Variants in TMC1 observed in about 807,000 individuals in gnomAD.
TMC1 encodes transmembrane channel like 1, also known as transmembrane channel-like protein 1.
Under a neutral mutation model 105.8 loss-of-function variants are expected in TMC1, and 84 were observed. That is an observed-to-expected ratio of 0.79 (90% CI 0.67 to 0.95). TMC1 has a LOEUF of 0.95. TMC1 is among the 40% of genes least tolerant of loss of function. The pLI, the probability that TMC1 is intolerant of heterozygous loss-of-function variation, is 0.00. For missense variants in TMC1, 817 were observed against 914.1 expected (o/e 0.89, Z 1.37); for synonymous variants, 315 against 311.5 (o/e 1.01, Z -0.12).
At chr9:72,595,817 C>T (rs1017159472) in intron 2 of TMC1, among the ~76,000 whole-genome samples, 7 of 150,574 alleles carry the variant, frequency 4.6e-5, no homozygotes, top group African/African-American at 1.7e-4. Context: ...GCTGGGATTA[C>T]AGGCATGCAC....
At position 72,648,106 on chromosome 9, in the gene TMC1, T is replaced by G. The variant is rs115199177; in HGVS notation, c.-52-491T>G. Among the ~76,000 whole-genome samples the G allele has an allele frequency of 9.8e-3, 1,491 of 152,328 alleles. 29 individuals are homozygous for G. Among genetic ancestry groups the G allele is most frequent in the African/African-American group, 0.034 (1,421 of 41,560 alleles). On this transcript the variant is annotated intron_variant, in intron 4 of 23. Coordinates refer to ENST00000297784, the MANE Select transcript of TMC1 (RefSeq NM_138691.3). ...CCCCAGGTTTCCCGTTATTGGAGAT[T>G]GATTGCTATGTTGAATGTGCTATAG... is the stretch of plus-strand genomic sequence containing the variant.
Position 72,836,826 on chromosome 9 carries a change from C to T in TMC1, c.*853C>T, listed in dbSNP as rs746717518. The T allele has an allele frequency of 5.9e-5, 9 of 152,140 alleles. No individual in the cohort carries two copies. The highest frequency in any genetic ancestry group is 1.2e-4 in the Non-Finnish European group (8 of 68,044). The allele number at this position is 152,140 out of a possible 1,614,324, so 9.4% of individuals were successfully genotyped here. A position where few individuals can be genotyped will look rare whatever the true frequency, so the allele number is the denominator to read the frequency against. ...GCATCAAACTCGATACAATTCTTGC[C>T]TCCTTGGAGGGAAGAATTCAGCTGA... On this transcript the variant is annotated 3_prime_UTR_variant, in exon 24 of 24. Coordinates refer to ENST00000297784, the MANE Select transcript of TMC1 (RefSeq NM_138691.3).
intron 1 of TMC1, among the ~76,000 whole-genome samples, chr9:72,531,440 G>A (rs147464599): frequency 5.3e-5 from 8 of 152,214 alleles, no homozygotes; most frequent in South Asian, 2.1e-4. Flanking sequence ...CTTCAGTTAC[G>A]TTCCTAGGGA....
rs762854159 is a variant in TMC1 at position 72,820,829 on chromosome 9, G to C, written c.1764-13G>C. 6.2e-7 allele frequency: 1 copy of C among 1,613,942 alleles called. No individual in the cohort carries two copies. The highest frequency in any genetic ancestry group is 8.5e-7 in the Non-Finnish European group (1 of 1,180,032). On this transcript the variant is annotated splice_polypyrimidine_tract_variant and intron_variant, in intron 19 of 23. Coordinates refer to ENST00000297784, the MANE Select transcript of TMC1 (RefSeq NM_138691.3). Reference sequence around the variant, plus strand: ...AAGACTCAAAACTGAGCAGAGTTCTGTTTTCTTTCTAGGATGGGCTCCTTC... The same window carrying C: ...AAGACTCAAAACTGAGCAGAGTTCTCTTTTCTTTCTAGGATGGGCTCCTTC...
At chr9:72,740,965 G>A (rs1827379199) in intron 9 of TMC1, among the ~76,000 whole-genome samples, 1 of 152,040 alleles carries the variant, frequency 6.6e-6, no homozygotes, top group Admixed American at 6.6e-5. Flanking sequence ...GCAATGTTAT[G>A]TTCACAAGAT....
At chr9:72,800,400 T>C (rs1828449907) in intron 17 of TMC1, among the ~76,000 whole-genome samples, 1 of 152,194 alleles carries the variant, frequency 6.6e-6, no homozygotes, top group Admixed American at 6.5e-5. Context: ...ACCTGCACTT[T>C]AACAAGCAAA....
intron 5 of TMC1, among the ~76,000 whole-genome samples, chr9:72,659,382 C>T (rs1825934161): frequency 6.6e-6 from 1 of 152,124 alleles, no homozygotes; most frequent in Non-Finnish European, 1.5e-5. Flanking sequence ...TGCCTATAAT[C>T]CCAGAACTTT....
chr9:72,795,986 A>G (rs1360395915), intron 17 of TMC1, among the ~76,000 whole-genome samples: 1 of 152,152 alleles, frequency 6.6e-6, no homozygotes, highest in African/African-American at 2.4e-5. Context: ...ACAGAAAAAA[A>G]CATGGGTTAT....
chr9:72,686,662 T>C (rs78687538), intron 5 of TMC1, among the ~76,000 whole-genome samples: 476 of 152,328 alleles, frequency 3.1e-3, no homozygotes, highest in African/African-American at 0.011. Context: ...ATTATCACAA[T>C]GACTATAAAA....
intron 1 of TMC1, among the ~76,000 whole-genome samples, chr9:72,559,181 G>A (rs1318018394): frequency 2.0e-5 from 3 of 150,924 alleles, no homozygotes; most frequent in South Asian, 2.1e-4. Context: ...TGCAACCTCC[G>A]CCTCCTGGGT....
intron 23 of TMC1, among the ~76,000 whole-genome samples, chr9:72,831,622 G>A (rs1829043401): frequency 1.3e-5 from 2 of 152,032 alleles, no homozygotes; most frequent in African/African-American, 2.4e-5. Context: ...GGTATGTGAT[G>A]TTCCCCTTCC....
At chr9:72,773,281 A>G (rs1457025680) in intron 13 of TMC1, among the ~76,000 whole-genome samples, 1 of 152,170 alleles carries the variant, frequency 6.6e-6, no homozygotes, top group African/African-American at 2.4e-5. Flanking sequence ...GAGTTGAAAC[A>G]TCTCAAGTAA....
chr9:72,544,599 C>T (rs1413235539), intron 1 of TMC1, among the ~76,000 whole-genome samples: 2 of 150,916 alleles, frequency 1.3e-5, no homozygotes, highest in African/African-American at 4.9e-5. Flanking sequence ...CCTGACTCAG[C>T]GTCCTGAGTA....
intron 1 of TMC1, among the ~76,000 whole-genome samples, chr9:72,538,055 C>G (rs1435351496): frequency 1.3e-5 from 2 of 151,384 alleles, no homozygotes; most frequent in South Asian, 2.1e-4. Context: ...ACTCGAGAGA[C>G]TGGGGCAGGA....
chr9:72,777,474 T>C (rs761619939), intron 13 of TMC1, among the ~76,000 whole-genome samples: 2 of 152,208 alleles, frequency 1.3e-5, no homozygotes, highest in African/African-American at 4.8e-5. Context: ...GAGAAAGTTA[T>C]GGAAGGGTAA....
At chr9:72,737,508 T>A (rs912006162) in intron 8 of TMC1, among the ~76,000 whole-genome samples, 1 of 152,172 alleles carries the variant, frequency 6.6e-6, no homozygotes. Context: ...CCTAGGTCTG[T>A]GTGAGTCTGA....
intron 5 of TMC1, among the ~76,000 whole-genome samples, chr9:72,656,571 A>T (rs1368832604): frequency 6.6e-6 from 1 of 152,122 alleles, no homozygotes; most frequent in Non-Finnish European, 1.5e-5. Flanking sequence ...TACTTCTATC[A>T]TCTATGAAAT....
intron 1 of TMC1, among the ~76,000 whole-genome samples, chr9:72,571,194 G>C (rs1012352565): frequency 6.6e-6 from 1 of 150,698 alleles, no homozygotes; most frequent in African/African-American, 2.4e-5. Flanking sequence ...ATGGTGGCAG[G>C]TGCCTGTAGT....
chr9:72,795,023 G>A (rs1339040177), intron 17 of TMC1, among the ~76,000 whole-genome samples: 1 of 152,134 alleles, frequency 6.6e-6, no homozygotes, highest in Non-Finnish European at 1.5e-5. Context: ...GCTGAGGAAA[G>A]AATCTTAGAA....
Sources: gnomAD v4.1 joint callset for allele counts (sites outside exome capture counted in the v4.1 genomes callset) on GRCh38, gnomAD v4.1.1 for gene constraint, MANE v1.5 for transcripts, NCBI Gene and HGNC (gene_info 2026-07-23, HGNC 2026-07-21) for gene names.